Variants in CRAMP1 observed in about 807,000 individuals in gnomAD.
The protein encoded by CRAMP1 is cramped chromatin regulator 1.
In CRAMP1, 50 loss-of-function variants were observed where a neutral mutation model predicts 115.4. The observed-to-expected ratio is 0.43, with a 90% CI of 0.35 to 0.55. CRAMP1 has a LOEUF of 0.55. CRAMP1 is among the 20% of genes least tolerant of loss of function. CRAMP1 has a pLI of 0.01. For missense variants in CRAMP1, 1,679 were observed against 1,721.7 expected (o/e 0.98, Z 0.44); for synonymous variants, 866 against 745.4 (o/e 1.16, Z -2.64).
chr16:1,642,204 A>G (rs9930418), intron 6 of CRAMP1, among the ~76,000 whole-genome samples: 27,352 of 152,136 alleles, frequency 0.18, 4,146 homozygotes, highest in African/African-American at 0.4. Context: ...TTCCGTCCAT[A>G]GCACTTCACC....
rs1350015646 is a variant in CRAMP1 at position 1,614,823 on chromosome 16, C to T, written c.184C>T (p.Pro62Ser). ...GGCCGGCGCCGACGGCCCCCCCGCG[C>T]CCCCCGGCGCGCCGCAGGCGCCGTC... ...PRAGADGPPA[P>S]PGAPQAPSPP... Residue 62 changes from proline to serine, a missense_variant, in exon 2 of 21, where the codon CCC becomes TCC. This residue lies in a region of CRAMP1 where 264 missense variants were observed against 229.7 expected (regional missense o/e 1.15). Transcript: ENST00000397412. The surrounding 1 kb of genome is among the most constrained non-coding windows in gnomAD (Gnocchi z 4.4). The T allele has an allele frequency of 2.7e-5, 34 of 1,265,928 alleles. 1 individual carries two copies. Among genetic ancestry groups the T allele is most frequent in the South Asian group, 1.4e-4 (4 of 28,630 alleles). The allele number at this position is 1,265,928 out of a possible 1,614,324, so 78.4% of individuals were successfully genotyped here.
chr16:1,660,091 T>A, intron 11 of CRAMP1, 28 bp downstream of exon 11: 1 of 1,498,902 alleles, frequency 6.7e-7, no homozygotes, highest in Non-Finnish European at 8.8e-7. Flanking sequence ...ACACTCCTTG[T>A]GCCTGGGCTG....
intron 3 of CRAMP1, among the ~76,000 whole-genome samples, chr16:1,628,928 G>C (rs1419481366): frequency 6.6e-6 from 1 of 152,222 alleles, no homozygotes; most frequent in Non-Finnish European, 1.5e-5. Flanking sequence ...GCAGTGCTGG[G>C]CATGCTCAGA....
At chr16:1,660,788 C>T (rs1313588621) in intron 11 of CRAMP1, among the ~76,000 whole-genome samples, 1 of 152,196 alleles carries the variant, frequency 6.6e-6, no homozygotes, top group Non-Finnish European at 1.5e-5. Context: ...TGGTGGATCA[C>T]CTGAGGTCAG....
In CRAMP1 at chr16:1,614,311, C is replaced by CCCGGGGCCGGGGCGGGGG. The variant is rs2036395471; in HGVS notation, c.-1-315_-1-314insGGGGGCCGGGGCCGGGGC. The stretch of plus-strand genomic sequence containing the variant: ...CGCCCGCGCCGGGGCTCCCATAGAC[C>CCCGGGGCCGGGGCGGGGG]CCGGGGCCGGGGCCGGGGCCGGGGC... On this transcript the variant is annotated intron_variant, in intron 1 of 20. Coordinates refer to ENST00000397412, the MANE Select transcript of CRAMP1 (RefSeq NM_020825.4). This position sits in a 1 kb window ranked among gnomAD's most constrained non-coding sequence, Gnocchi z 4.4. Among the ~76,000 whole-genome samples, 1 of 144,170 alleles carries CCCGGGGCCGGGGCGGGGG rather than the reference C, an allele frequency of 6.9e-6. No homozygotes were observed. The highest frequency in any genetic ancestry group is 1.5e-5 in the Non-Finnish European group (1 of 65,024). 94.6% of individuals were successfully genotyped at this position (144,170 alleles called of 152,430 possible). A position where few individuals can be genotyped will look rare whatever the true frequency, so the allele number is the denominator to read the frequency against.
chr16:1,659,873 A>G lies in CRAMP1; in HGVS notation c.2236-13A>G. On this transcript the variant is annotated splice_polypyrimidine_tract_variant and intron_variant, in intron 10 of 20. Transcript: ENST00000397412. ...GCTGAGTTTGGACATTGTTTGGCCC[A>G]TTTCTGTCCTAGGCTCTGGAAGCAA... The G allele has an allele frequency of 1.9e-6, 3 of 1,612,972 alleles. No homozygotes were observed. The highest frequency in any genetic ancestry group is 1.7e-6 in the Non-Finnish European group (2 of 1,179,602).
At chr16:1,645,033 C>CT (rs369757525) in intron 6 of CRAMP1, among the ~76,000 whole-genome samples, 132 of 142,754 alleles carry the variant, frequency 9.2e-4, no homozygotes, top group African/African-American at 2.5e-3. Flanking sequence ...TACTTTTGTT[C>CT]TTTTTTTTTT....
intron 6 of CRAMP1, among the ~76,000 whole-genome samples, chr16:1,644,874 C>T (rs1367945654): frequency 3.3e-5 from 5 of 151,854 alleles, no homozygotes; most frequent in African/African-American, 1.2e-4. Flanking sequence ...TCTTTCTTTC[C>T]TTTTTTAAAT....
At chr16:1,617,295 C>T (rs12447316) in intron 2 of CRAMP1, among the ~76,000 whole-genome samples, 3,401 of 152,290 alleles carry the variant, frequency 0.022, 234 homozygotes, top group Admixed American at 0.13. Context: ...TCAGGTTCCT[C>T]AGTGCTTTGG....
At chr16:1,638,767 C>T (rs1472495095) in intron 5 of CRAMP1, among the ~76,000 whole-genome samples, 1 of 152,100 alleles carries the variant, frequency 6.6e-6, no homozygotes, top group Admixed American at 6.5e-5. Flanking sequence ...AGATACGGAG[C>T]AGTCGCCCTG....
rs1005744376 is a variant in CRAMP1, at chr16:1,676,842, G to GTAGC, written c.*2799_*2802dup. 2.0e-5 allele frequency: 3 copies of GTAGC among 152,296 alleles called. No individual in the cohort carries two copies. The highest frequency in any genetic ancestry group is 2.0e-4 in the Admixed American group (3 of 15,286). The allele number at this position is 152,296 out of a possible 1,614,324, so 9.4% of individuals were successfully genotyped here. ...TGGCTGTTTTGTCCTTCTGTGTCTT[G>GTAGC]TAGCTGTAGGGTGCCAGCTCAGGGA... is the stretch of plus-strand genomic sequence containing the variant. On this transcript the variant is annotated 3_prime_UTR_variant, in exon 21 of 21. Transcript: ENST00000397412.
At chr16:1,615,972 G>C (rs2036415446) in intron 2 of CRAMP1, among the ~76,000 whole-genome samples, 1 of 152,170 alleles carries the variant, frequency 6.6e-6, no homozygotes. Flanking sequence ...AACCTGCTTT[G>C]GAGATCTGTG....
At chr16:1,641,006 C>G (rs913027802) in intron 5 of CRAMP1, 133 bp from the exon 6 acceptor site, 4 of 635,274 alleles carry the variant, frequency 6.3e-6, no homozygotes, top group Non-Finnish European at 5.5e-6. Context: ...TACTGTAGGG[C>G]TTTTATTCCA....
intron 4 of CRAMP1, among the ~76,000 whole-genome samples, chr16:1,633,458 C>T (rs1453530446): frequency 2.0e-5 from 3 of 152,238 alleles, no homozygotes; most frequent in East Asian, 1.9e-4. Context: ...TCGGGTCTGC[C>T]GCCGATGCGG....
At chr16:1,641,658 C>G (rs1051887183) in intron 6 of CRAMP1, among the ~76,000 whole-genome samples, 5 of 152,208 alleles carry the variant, frequency 3.3e-5, no homozygotes, top group African/African-American at 1.2e-4. Context: ...CACCTGACTC[C>G]CAGAGGGCAC....
rs772761617 is a variant in CRAMP1, at chr16:1,676,477, A to G, written c.*2432A>G. On this transcript the variant is annotated 3_prime_UTR_variant, in exon 21 of 21. Coordinates refer to ENST00000397412, the MANE Select transcript of CRAMP1 (RefSeq NM_020825.4). Reference sequence around the variant, plus strand: ...CCTAAATGAATATTTATGTGCAAACATAGGCAACTGTTAAAGGCTGGAATT... The same window carrying G: ...CCTAAATGAATATTTATGTGCAAACGTAGGCAACTGTTAAAGGCTGGAATT... 6.6e-6 allele frequency: 1 copy of G among 152,260 alleles called. No individual in the cohort carries two copies. The highest frequency in any genetic ancestry group is 1.5e-5 in the Non-Finnish European group (1 of 68,044). 9.4% of individuals were successfully genotyped at this position (152,260 alleles called of 1,614,324 possible).
intron 6 of CRAMP1, among the ~76,000 whole-genome samples, chr16:1,649,248 G>A (rs1167745715): frequency 1.3e-5 from 2 of 152,098 alleles, no homozygotes; most frequent in African/African-American, 2.4e-5. Context: ...GGTATCCTGT[G>A]TTTGATTCCC....
At chr16:1,627,281 G>C (rs2036515610) in intron 3 of CRAMP1, among the ~76,000 whole-genome samples, 1 of 152,100 alleles carries the variant, frequency 6.6e-6, no homozygotes, top group African/African-American at 2.4e-5. Context: ...GAGTAACTGA[G>C]ACTATAGGCA....
In CRAMP1 at chr16:1,656,489, C is replaced by A. The variant is rs1330418090; in HGVS notation, c.1732C>A (p.Arg578Ser). ...GGACCTCATTGTCCCCGAGCAGTGC[C>A]GCTGTGCGGACACACGGCCTGGGAG... The part of the protein sequence containing the change: ...CQDLIVPEQC[R>S]CADTRPGSEQ... The change falls in exon 10 of 21, where the codon CGC (arginine) becomes AGC (serine). Residue 578 changes from arginine to serine, a missense_variant. Around this residue, in one of 8 missense-constraint regions of CRAMP1, gnomAD observed 405 missense variants for 302.6 expected, o/e 1.34. Transcript: ENST00000397412. This position sits in a 1 kb window ranked among gnomAD's most constrained non-coding sequence, Gnocchi z 5.6. The A allele has an allele frequency of 6.3e-7, 1 of 1,575,892 alleles. No individual in the cohort carries two copies. The highest frequency in any genetic ancestry group is 8.6e-7 in the Non-Finnish European group (1 of 1,161,606).
Sources: allele counts gnomAD v4.1 joint callset (sites outside exome capture counted in the v4.1 genomes callset), GRCh38; gene constraint gnomAD v4.1.1; regional missense constraint gnomAD v4.1.1; non-coding constraint Gnocchi (gnomAD v3.1); transcripts MANE v1.5; gene names NCBI Gene and HGNC (gene_info 2026-07-23, HGNC 2026-07-21).